SLC30A8: variants seen among roughly 807,000 people sequenced by gnomAD.
The protein encoded by SLC30A8 is proton-coupled zinc antiporter SLC30A8.
A neutral mutation model predicts 36.9 loss-of-function variants in SLC30A8; 27 were observed. That is an observed-to-expected ratio of 0.73 (90% confidence interval 0.54 to 1.01). The LOEUF (loss-of-function observed/expected upper bound fraction) is 1.01. Ranked by LOEUF, SLC30A8 falls within the 50% of genes least tolerant of loss-of-function variation. The pLI is 0.00. For missense variants in SLC30A8, 439 were observed against 452.0 expected, an observed-to-expected ratio of 0.97 and a Z score of 0.26; for synonymous variants, 164 against 172.4, an observed-to-expected ratio of 0.95 and a Z score of 0.38.
chr8:117,068,551 A>G lies in SLC30A8; in HGVS notation c.-226+29293A>G, dbSNP rs74309017. ...TCCACATGTGTTGCCCATCTCAGTG[A>G]GCATCACCACTTTATTTTTATTTTT... On this transcript the variant is annotated intron_variant, in intron 2 of 10. Coordinates refer to the SLC30A8 transcript ENST00000427715. Among the ~76,000 whole-genome samples, 53 of 152,158 alleles carry G rather than the reference A, an allele frequency of 3.5e-4. No homozygotes were observed. The East Asian group carries it at 9.7e-3, about 28-fold the overall frequency.
intron 1 of SLC30A8, among the ~76,000 whole-genome samples, chr8:117,028,924 C>T (rs1285189256): frequency 6.6e-6 from 1 of 151,880 alleles, no homozygotes; most frequent in Non-Finnish European, 1.5e-5. Flanking sequence ...TTTCATTTGC[C>T]CTAGTGACAT....
At chr8:117,168,505 C>A (rs971870921) in intron 6 of SLC30A8, among the ~76,000 whole-genome samples, 2 of 152,072 alleles carry the variant, frequency 1.3e-5, no homozygotes, top group Non-Finnish European at 2.9e-5. Flanking sequence ...AGACTCCCCC[C>A]CAAGTAAAAG....
In SLC30A8 at chr8:117,172,889, C is replaced by T. The variant is rs1007014286; in HGVS notation, c.*208C>T. ...AATTGGATTATATACTGATCAGTAGCTGTGTTCAATTGCAGGAATGTGTAT... is the reference window on the plus strand; with the variant it reads ...AATTGGATTATATACTGATCAGTAGTTGTGTTCAATTGCAGGAATGTGTAT... On this transcript the variant is annotated 3_prime_UTR_variant, in exon 8 of 8. Coordinates refer to ENST00000456015, the MANE Select transcript of SLC30A8 (RefSeq NM_173851.3). The T allele has an allele frequency of 1.3e-5, 8 of 596,402 alleles. No homozygotes were observed. Among genetic ancestry groups the T allele is most frequent in the Non-Finnish European group, 2.0e-5 (7 of 342,288 alleles). 36.9% of individuals were successfully genotyped at this position (596,402 alleles called of 1,614,324 possible).
chr8:117,023,310 TG>T (rs1816765789), intron 1 of SLC30A8, among the ~76,000 whole-genome samples: 1 of 152,124 alleles, frequency 6.6e-6, no homozygotes, highest in South Asian at 2.1e-4. Context: ...GAAGTCAGTG[TG>T]GCGATTCCTC....
intron 1 of SLC30A8, among the ~76,000 whole-genome samples, chr8:116,955,634 G>A (rs56854311): frequency 0.023 from 3,447 of 151,490 alleles, 115 homozygotes; most frequent in African/African-American, 0.078. Context: ...GGAGGCTGAA[G>A]CACGAGAATC....
chr8:117,120,123 A>G (rs886890699), intron 2 of SLC30A8, among the ~76,000 whole-genome samples: 2 of 151,982 alleles, frequency 1.3e-5, no homozygotes, highest in Non-Finnish European at 2.9e-5. Flanking sequence ...AAAAAATCCT[A>G]TAATTTGTAT....
chr8:117,052,064 G>T (rs1817727364), intron 2 of SLC30A8, among the ~76,000 whole-genome samples: 1 of 152,152 alleles, frequency 6.6e-6, no homozygotes, highest in African/African-American at 2.4e-5. Flanking sequence ...AGGCTGGAGT[G>T]CAATGGTGAC....
At chr8:116,966,030 C>T (rs1397241843) in intron 1 of SLC30A8, among the ~76,000 whole-genome samples, 2 of 151,824 alleles carry the variant, frequency 1.3e-5, no homozygotes, top group Non-Finnish European at 2.9e-5. Context: ...ATTACAGGCA[C>T]ACACCACCAT....
At chr8:117,141,466 C>T (rs1006662113) in intron 1 of SLC30A8, among the ~76,000 whole-genome samples, 1 of 152,108 alleles carries the variant, frequency 6.6e-6, no homozygotes, top group African/African-American at 2.4e-5. Context: ...AATTCAACAC[C>T]CTTTAATTAT....
At chr8:116,974,175 C>G in intron 1 of SLC30A8, among the ~76,000 whole-genome samples, 1 of 152,048 alleles carries the variant, frequency 6.6e-6, no homozygotes, top group East Asian at 1.9e-4. Context: ...CAACAAAAGC[C>G]AAAATAGACA....
intron 6 of SLC30A8, among the ~76,000 whole-genome samples, chr8:117,168,214 G>A (rs1231576636): frequency 6.6e-6 from 1 of 152,006 alleles, no homozygotes; most frequent in Non-Finnish European, 1.5e-5. Flanking sequence ...TTCAAAATTT[G>A]ATAGATATTA....
In SLC30A8 at chr8:117,173,666, T is replaced by C. The variant is rs1486058359; in HGVS notation, c.*985T>C. 2 of 152,146 alleles carry C rather than the reference T, an allele frequency of 1.3e-5. No homozygotes were observed. Among genetic ancestry groups the C allele is most frequent in the African/African-American group, 4.8e-5 (2 of 41,454 alleles). The allele number at this position is 152,146 out of a possible 1,614,324, so 9.4% of individuals were successfully genotyped here. On this transcript the variant is annotated 3_prime_UTR_variant, in exon 8 of 8. Transcript: ENST00000456015. ...CTATCTGTGGAGAGTAAACTGAAGATGTGCAGGCCAACATTCTGGAAATCC... is the reference window on the plus strand; with the variant it reads ...CTATCTGTGGAGAGTAAACTGAAGACGTGCAGGCCAACATTCTGGAAATCC...
intron 6 of SLC30A8, among the ~76,000 whole-genome samples, chr8:117,165,301 A>G (rs1478609432): frequency 6.6e-6 from 1 of 152,222 alleles, no homozygotes; most frequent in East Asian, 1.9e-4. Flanking sequence ...CTCAGTAAAT[A>G]TAAACTCTCA....
intron 1 of SLC30A8, among the ~76,000 whole-genome samples, chr8:116,987,905 G>A (rs1470409038): frequency 2.0e-5 from 3 of 152,086 alleles, no homozygotes; most frequent in Admixed American, 6.6e-5. Flanking sequence ...TACCATGTTG[G>A]CCAGGCTGGT....
intron 1 of SLC30A8, among the ~76,000 whole-genome samples, chr8:117,005,649 G>A (rs778240860): frequency 6.6e-6 from 1 of 152,182 alleles, no homozygotes; most frequent in East Asian, 1.9e-4. Flanking sequence ...GGAACTGCCC[G>A]AGTGTTTTCC....
intron 1 of SLC30A8, among the ~76,000 whole-genome samples, chr8:116,977,407 C>A (rs1394986882): frequency 6.6e-6 from 1 of 151,348 alleles, no homozygotes; most frequent in Non-Finnish European, 1.5e-5. Flanking sequence ...CCTGCCTCCA[C>A]CTCCCAAAGT....
In SLC30A8 at chr8:117,158,510, T is replaced by C. The variant is rs1010036803; in HGVS notation, c.572+666T>C. Among the ~76,000 whole-genome samples the C allele has an allele frequency of 5.9e-5, 9 of 152,272 alleles. No individual in the cohort carries two copies. In the South Asian group the frequency reaches 1.4e-3, roughly 24 times the overall value. ...TCTTTTATCTTTGCAGCATTGTGAC[T>C]GCATGAAAATTCTTCCTTATGCTAT... On this transcript the variant is annotated intron_variant, in intron 4 of 7. Coordinates refer to ENST00000456015, the MANE Select transcript of SLC30A8 (RefSeq NM_173851.3).
intron 1 of SLC30A8, among the ~76,000 whole-genome samples, chr8:117,023,431 T>C (rs1816771685): frequency 6.6e-6 from 1 of 152,356 alleles, no homozygotes; most frequent in Admixed American, 6.5e-5. Context: ...CATTTGTTTA[T>C]TGTGGCACTA....
chr8:117,055,180 G>A (rs1190777474), intron 2 of SLC30A8, among the ~76,000 whole-genome samples: 1 of 152,208 alleles, frequency 6.6e-6, no homozygotes, highest in African/African-American at 2.4e-5. Flanking sequence ...AGTTCACAAA[G>A]GGGCTCAGCA....
Sources: allele counts gnomAD v4.1 joint callset (sites outside exome capture counted in the v4.1 genomes callset), GRCh38; gene constraint gnomAD v4.1.1; transcripts MANE v1.5; gene names NCBI Gene and HGNC (gene_info 2026-07-23, HGNC 2026-07-21).